The following SLIT3 variants were observed in gnomAD, a reference collection of about 807,000 sequenced individuals.
SLIT3 encodes slit homolog 3 protein.
SLIT3 carries 68 observed loss-of-function variants against 184.0 expected under a neutral mutation model. The ratio of observed to expected loss-of-function variants is 0.37; its 90% CI spans 0.30 to 0.45. SLIT3 has a LOEUF of 0.45. Ranked by LOEUF, SLIT3 falls within the 20% of genes least tolerant of loss-of-function variation. The pLI is 1.00. For missense variants in SLIT3, 1,707 were observed against 2,026.0 expected, an observed-to-expected ratio of 0.84 and a Z score of 3.02; for synonymous variants, 831 against 828.6, an observed-to-expected ratio of 1.00 and a Z score of -0.05.
Position 168,817,282 on chromosome 5 carries a change from C to T in SLIT3, c.793+18G>A, listed in dbSNP as rs1436819591. 1 of 1,612,848 alleles carries T rather than the reference C, an allele frequency of 6.2e-7. No homozygotes were observed. The highest frequency in any genetic ancestry group is 1.1e-5 in the South Asian group (1 of 91,046). On this transcript the variant is annotated intron_variant, in intron 8 of 35. Transcript: ENST00000519560. ...TGGGTCATAGCACAGGAGGGGAGAG[C>T]AGGTAAAGCATCCTCACCTGGGCAC...
At chr5:169,105,592 T>C (rs1014006824) in intron 4 of SLIT3, among the ~76,000 whole-genome samples, 2 of 152,128 alleles carry the variant, frequency 1.3e-5, no homozygotes, top group Non-Finnish European at 2.9e-5. Context: ...CACCAGACAA[T>C]ATCCCGAGGC....
At chr5:169,086,956 A>C (rs1759325870) in intron 4 of SLIT3, among the ~76,000 whole-genome samples, 1 of 152,228 alleles carries the variant, frequency 6.6e-6, no homozygotes, top group Non-Finnish European at 1.5e-5. Flanking sequence ...GAAACTGCTG[A>C]GCATAAAAGG....
chr5:169,105,081 T>C (rs538653069), intron 4 of SLIT3, among the ~76,000 whole-genome samples: 76 of 152,222 alleles, frequency 5.0e-4, no homozygotes, highest in Non-Finnish European at 9.6e-4. Flanking sequence ...TTCCCTTTGT[T>C]TGCCTGTGAT....
At chr5:168,865,134 T>C (rs540199745) in intron 5 of SLIT3, among the ~76,000 whole-genome samples, 2 of 144,726 alleles carry the variant, frequency 1.4e-5, no homozygotes, top group African/African-American at 5.3e-5. Flanking sequence ...GATTGTGCCA[T>C]TGTACTCCAG....
chr5:168,667,954 A>G (rs1761108295), intron 35 of SLIT3, among the ~76,000 whole-genome samples: 1 of 152,190 alleles, frequency 6.6e-6, no homozygotes, highest in Non-Finnish European at 1.5e-5. Flanking sequence ...CTGTCCTGAC[A>G]GTTTTTCTGT....
chr5:169,230,187 AAC>A (rs1172545353), intron 3 of SLIT3, among the ~76,000 whole-genome samples: 1 of 152,202 alleles, frequency 6.6e-6, no homozygotes, highest in Non-Finnish European at 1.5e-5. Context: ...TTTAAAAGGT[AAC>A]TCCACTGAAC....
intron 4 of SLIT3, among the ~76,000 whole-genome samples, chr5:169,028,225 G>C (rs927523988): frequency 6.8e-6 from 1 of 147,590 alleles, no homozygotes; most frequent in Non-Finnish European, 1.5e-5. Flanking sequence ...TTCTCCAAAT[G>C]TTTGGTTATT....
chr5:168,772,760 C>G (rs1374833197), intron 14 of SLIT3, 21 bp downstream of exon 14: 2 of 1,613,542 alleles, frequency 1.2e-6, no homozygotes, highest in Admixed American at 3.3e-5. Flanking sequence ...AAAGCGGGGC[C>G]CAGCCCCGTA....
At chr5:169,229,669 T>TCTCTCTCTCC (rs1291801817) in intron 3 of SLIT3, among the ~76,000 whole-genome samples, 3 of 148,494 alleles carry the variant, frequency 2.0e-5, no homozygotes, top group Non-Finnish European at 4.5e-5. Flanking sequence ...TCTCTCTCTC[T>TCTCTCTCTCC]CCTTATTCAT....
chr5:169,221,146 C>T (rs1437531442), intron 3 of SLIT3, among the ~76,000 whole-genome samples: 1 of 152,210 alleles, frequency 6.6e-6, no homozygotes, highest in African/African-American at 2.4e-5. Context: ...GGCAATTTTG[C>T]CTTTGTGCTA....
intron 1 of SLIT3, among the ~76,000 whole-genome samples, chr5:169,254,840 C>T (rs1255121022): frequency 6.6e-6 from 1 of 152,256 alleles, no homozygotes; most frequent in Non-Finnish European, 1.5e-5. Flanking sequence ...GACTCAGCCT[C>T]AGCCACCATC....
intron 10 of SLIT3, among the ~76,000 whole-genome samples, chr5:168,792,764 T>C (rs954627829): frequency 3.5e-4 from 54 of 152,210 alleles, no homozygotes; most frequent in African/African-American, 1.3e-3. Context: ...CAGTGCTTTC[T>C]ACTGCTTCTC....
chr5:169,054,933 A>G (rs1260877036), intron 4 of SLIT3, among the ~76,000 whole-genome samples: 1 of 152,036 alleles, frequency 6.6e-6, no homozygotes, highest in Non-Finnish European at 1.5e-5. Context: ...CACATTGAAC[A>G]GGTATCATGG....
chr5:169,259,671 C>A (rs144196353), intron 1 of SLIT3, among the ~76,000 whole-genome samples: 1,607 of 152,276 alleles, frequency 0.011, 18 homozygotes, highest in Non-Finnish European at 0.014. Context: ...CAAGGCTATG[C>A]AGGCAAAATT....
At chr5:169,131,103 C>T (rs983112423) in intron 4 of SLIT3, among the ~76,000 whole-genome samples, 1 of 152,166 alleles carries the variant, frequency 6.6e-6, no homozygotes, top group African/African-American at 2.4e-5. Flanking sequence ...AATAACATAG[C>T]TATAGACAGG....
At chr5:168,884,024 T>C (rs62377160) in intron 4 of SLIT3, among the ~76,000 whole-genome samples, 12,169 of 152,118 alleles carry the variant, frequency 0.08, 630 homozygotes, top group Middle Eastern at 0.12. Flanking sequence ...AGTGTCAGGT[T>C]CTACAGCTGG....
chr5:169,195,071 G>A (rs1184368132), intron 3 of SLIT3, among the ~76,000 whole-genome samples: 2 of 152,180 alleles, frequency 1.3e-5, no homozygotes, highest in African/African-American at 2.4e-5. Context: ...TCTACTTAGA[G>A]TGAATTGAGT....
At chr5:168,991,213 G>A (rs1338545610) in intron 4 of SLIT3, among the ~76,000 whole-genome samples, 3 of 152,122 alleles carry the variant, frequency 2.0e-5, no homozygotes, top group African/African-American at 7.2e-5. Context: ...TGAACTGGGG[G>A]GTTTCATAAA....
intron 4 of SLIT3, among the ~76,000 whole-genome samples, chr5:169,147,784 C>A (rs371080943): frequency 6.6e-6 from 1 of 152,070 alleles, no homozygotes; most frequent in Non-Finnish European, 1.5e-5. Flanking sequence ...GTGCAACCTG[C>A]GCCAGCTGTC....
Sources: gnomAD v4.1 joint callset for allele counts (sites outside exome capture counted in the v4.1 genomes callset) on GRCh38, gnomAD v4.1.1 for gene constraint, MANE v1.5 for transcripts, NCBI Gene and HGNC (gene_info 2026-07-23, HGNC 2026-07-21) for gene names.